Variants in RGS6 observed in about 807,000 individuals in gnomAD.
RGS6 encodes the protein regulator of G protein signaling 6.
Under a neutral mutation model 78.5 loss-of-function variants are expected in RGS6, and 30 were observed. That is an observed-to-expected ratio of 0.38 (90% CI 0.29 to 0.52). RGS6 has a LOEUF of 0.52. Among genes scored for constraint, RGS6 ranks in the 20% least tolerant of loss-of-function variants. The probability of loss-of-function intolerance (pLI) is 0.85; values close to 1 mark genes in which losing one functional copy is unlikely to be tolerated. For missense variants in RGS6, 495 were observed against 609.7 expected, an observed-to-expected ratio of 0.81 and a Z score of 1.98; for synonymous variants, 206 against 206.0, an observed-to-expected ratio of 1.00 and a Z score of 0.00.
chr14:72,360,323 C>A (rs1259273007), intron 3 of RGS6, among the ~76,000 whole-genome samples: 1 of 151,818 alleles, frequency 6.6e-6, no homozygotes. Context: ...AAATCAAGAC[C>A]ATCCTGGCTA....
chr14:72,140,600 T>C (rs541132044), intron 2 of RGS6, among the ~76,000 whole-genome samples: 3 of 152,334 alleles, frequency 2.0e-5, no homozygotes, highest in East Asian at 1.9e-4. Context: ...CAAAACACCA[T>C]TGCAAATGTT....
At chr14:72,371,600 A>G (rs111713953) in intron 3 of RGS6, among the ~76,000 whole-genome samples, 3,163 of 152,194 alleles carry the variant, frequency 0.021, 51 homozygotes, top group African/African-American at 0.047. Context: ...CGTCTCTACT[A>G]AAGATACAAA....
chr14:72,408,665 A>G (rs530150125), intron 3 of RGS6, among the ~76,000 whole-genome samples: 3 of 152,326 alleles, frequency 2.0e-5, no homozygotes, highest in South Asian at 2.1e-4. Context: ...TATTGAATCA[A>G]TTTGGCATCA....
chr14:72,218,811 G>A (rs564421569), intron 2 of RGS6, among the ~76,000 whole-genome samples: 2 of 151,822 alleles, frequency 1.3e-5, no homozygotes, highest in African/African-American at 4.8e-5. Context: ...GGGGTTTCAC[G>A]ATGTTGTGCA....
chr14:72,400,995 T>G (rs1228312543), intron 3 of RGS6, among the ~76,000 whole-genome samples: 1 of 152,250 alleles, frequency 6.6e-6, no homozygotes, highest in Non-Finnish European at 1.5e-5. Flanking sequence ...TGGAAGTGTG[T>G]GACATTAGGT....
intron 2 of RGS6, among the ~76,000 whole-genome samples, chr14:72,257,732 A>G (rs1383018810): frequency 6.6e-6 from 1 of 152,206 alleles, no homozygotes; most frequent in African/African-American, 2.4e-5. Flanking sequence ...ACCTTCTAGC[A>G]GAGAGAGGAA....
intron 1 of RGS6, among the ~76,000 whole-genome samples, chr14:71,938,720 C>T (rs1456412694): frequency 6.6e-6 from 1 of 152,160 alleles, no homozygotes; most frequent in Non-Finnish European, 1.5e-5. Context: ...CTGCTGTGCA[C>T]AACCCACTTT....
At chr14:71,900,206 T>C in the RGS6 span, among the ~76,000 whole-genome samples, 3 of 152,208 alleles carry the variant, frequency 2.0e-5, no homozygotes, top group Admixed American at 6.5e-5. Context: ...TACAGTTCAG[T>C]AGGGTACCTC....
chr14:72,352,963 C>T (rs1221850284), intron 3 of RGS6, among the ~76,000 whole-genome samples: 1 of 152,136 alleles, frequency 6.6e-6, no homozygotes, highest in Non-Finnish European at 1.5e-5. Context: ...TGCCTATATG[C>T]TTTTCAAAAT....
intron 2 of RGS6, among the ~76,000 whole-genome samples, chr14:72,303,559 G>A (rs2066573048): frequency 6.6e-6 from 1 of 152,050 alleles, no homozygotes; most frequent in Non-Finnish European, 1.5e-5. Context: ...TCCCCCATGA[G>A]TTTCTGACTC....
intron 3 of RGS6, among the ~76,000 whole-genome samples, chr14:72,425,814 G>T (rs183628688): frequency 2.0e-5 from 3 of 152,120 alleles, no homozygotes; most frequent in African/African-American, 7.2e-5. Context: ...ATTATAGGAG[G>T]CATAAAAAGT....
At chr14:72,396,573 C>A (rs1022625730) in intron 3 of RGS6, among the ~76,000 whole-genome samples, 3 of 152,092 alleles carry the variant, frequency 2.0e-5, no homozygotes, top group Admixed American at 2.0e-4. Flanking sequence ...TCAATTTTGG[C>A]TTTTGTTGCC....
At chr14:72,155,346 C>T (rs2096755218) in intron 2 of RGS6, among the ~76,000 whole-genome samples, 1 of 152,210 alleles carries the variant, frequency 6.6e-6, no homozygotes, top group South Asian at 2.1e-4. Flanking sequence ...TCCACCATTC[C>T]TGAGTACCCT....
intron 4 of RGS6, 48 bp downstream of exon 4, chr14:72,454,626 A>AT: frequency 6.5e-7 from 1 of 1,534,268 alleles, no homozygotes; most frequent in Non-Finnish European, 9.0e-7. Context: ...ATCAGTAAAC[A>AT]TCCCATAACC....
intron 3 of RGS6, among the ~76,000 whole-genome samples, chr14:72,385,049 C>A (rs1007462703): frequency 6.6e-6 from 1 of 152,120 alleles, no homozygotes; most frequent in East Asian, 1.9e-4. Context: ...GGTGCCTGGC[C>A]GGTTTGCATA....
At chr14:72,134,046 A>G (rs890040229) in intron 2 of RGS6, among the ~76,000 whole-genome samples, 2 of 152,198 alleles carry the variant, frequency 1.3e-5, no homozygotes, top group Non-Finnish European at 1.5e-5. Flanking sequence ...TTCAAATTCA[A>G]AATGAAGCCT....
At chr14:72,282,257 C>A (rs533266035) in intron 2 of RGS6, among the ~76,000 whole-genome samples, 1 of 152,112 alleles carries the variant, frequency 6.6e-6, no homozygotes, top group Non-Finnish European at 1.5e-5. Context: ...TATACTTGAC[C>A]TTCATGTGAC....
intron 5 of RGS6, 74 bp from the exon 6 acceptor site, chr14:72,459,558 G>A (rs2095721516): frequency 7.0e-7 from 1 of 1,420,858 alleles, no homozygotes; most frequent in East Asian, 2.3e-5. Context: ...CATCAGGGAG[G>A]CTCCTCCCTG....
At chr14:72,595,290 G>C in the RGS6 span, among the ~76,000 whole-genome samples, 202 of 152,096 alleles carry the variant, frequency 1.3e-3, 5 homozygotes, top group Non-Finnish European at 3.2e-4. Context: ...CACCGGTTCA[G>C]TGTATTTTTC....
Sources: gnomAD v4.1 joint callset for allele counts (sites outside exome capture counted in the v4.1 genomes callset) on GRCh38, gnomAD v4.1.1 for gene constraint, MANE v1.5 for transcripts, NCBI Gene and HGNC (gene_info 2026-07-23, HGNC 2026-07-21) for gene names.